The following WWOX variants were observed in gnomAD, a reference collection of about 807,000 sequenced individuals.
WWOX encodes WW domain containing oxidoreductase.
In WWOX, 69 loss-of-function variants were observed where a neutral mutation model predicts 46.2. That is an observed-to-expected ratio of 1.49 (90% confidence interval 1.23 to 1.82). The LOEUF (loss-of-function observed/expected upper bound fraction) is 1.82, where lower values mean the gene tolerates loss of function less well. WWOX is among the 40% of genes most tolerant of loss of function. The probability of loss-of-function intolerance (pLI) is 0.00; values close to 1 mark genes in which losing one functional copy is unlikely to be tolerated. For missense variants in WWOX, 919 were observed against 542.6 expected (o/e 1.69, Z -6.89); for synonymous variants, 359 against 202.6 (o/e 1.77, Z -6.56).
chr16:79,173,542 C>T (rs1026566038), intron 8 of WWOX, among the ~76,000 whole-genome samples: 30 of 151,840 alleles, frequency 2.0e-4, no homozygotes, highest in African/African-American at 6.5e-4. Context: ...AAGTCTTCAG[C>T]CACACAAAAA....
chr16:78,273,249 C>A (rs2079514578), intron 5 of WWOX, among the ~76,000 whole-genome samples: 1 of 152,208 alleles, frequency 6.6e-6, no homozygotes, highest in Non-Finnish European at 1.5e-5. Flanking sequence ...CTAGCCTCCA[C>A]CTGTACCCTG....
intron 8 of WWOX, among the ~76,000 whole-genome samples, chr16:78,690,969 C>T (rs1043765252): frequency 2.6e-5 from 4 of 152,150 alleles, no homozygotes; most frequent in African/African-American, 4.8e-5. Context: ...AACCAGGCCT[C>T]AATCTATATG....
At chr16:78,996,391 C>G (rs1334448326) in intron 8 of WWOX, 2 of 863,732 alleles carry the variant, frequency 2.3e-6, no homozygotes, top group African/African-American at 2.1e-5. Flanking sequence ...CGCCCCCCAG[C>G]TTCCCCACCT....
intron 8 of WWOX, among the ~76,000 whole-genome samples, chr16:79,105,202 A>G (rs1405009615): frequency 6.6e-6 from 1 of 152,196 alleles, no homozygotes; most frequent in East Asian, 1.9e-4. Context: ...GACAGTGACA[A>G]AAGGGTCCTC....
At chr16:78,799,069 C>CGATAAAGTGTATAAAA (rs2142642507) in intron 8 of WWOX, among the ~76,000 whole-genome samples, 1 of 152,314 alleles carries the variant, frequency 6.6e-6, no homozygotes, top group East Asian at 1.9e-4. Flanking sequence ...CCTTGTCAAT[C>CGATAAAGTGTATAAAA]CATTTTGTCA....
At chr16:78,957,578 G>C (rs1046906126) in intron 8 of WWOX, among the ~76,000 whole-genome samples, 1 of 152,096 alleles carries the variant, frequency 6.6e-6, no homozygotes, top group Non-Finnish European at 1.5e-5. Context: ...TGAAATACCC[G>C]TGATTCATAA....
At chr16:79,064,044 G>C (rs113429233) in intron 8 of WWOX, among the ~76,000 whole-genome samples, 3 of 152,192 alleles carry the variant, frequency 2.0e-5, no homozygotes, top group Non-Finnish European at 4.4e-5. Flanking sequence ...AGCCTCAGAA[G>C]TGTGCACAAT....
chr16:78,468,525 C>T lies in WWOX; in HGVS notation c.1056+35773C>T, dbSNP rs577066577. On this transcript the variant is annotated intron_variant, in intron 8 of 8. Transcript: ENST00000566780. ...GAAGGGTCATCTCATGGTCCATTGT[C>T]GGCCCTCTTAGAAGAGATTTCAGGC... Among the ~76,000 whole-genome samples the T allele has an allele frequency of 4.6e-5, 7 of 152,246 alleles. No homozygotes were observed. The East Asian group carries it at 5.8e-4, about 13-fold the overall frequency.
At chr16:78,562,417 C>T (rs1413187188) in intron 8 of WWOX, among the ~76,000 whole-genome samples, 7 of 152,216 alleles carry the variant, frequency 4.6e-5, no homozygotes, top group Admixed American at 3.3e-4. Context: ...AGGAATGTAT[C>T]TGTTCCCACA....
intron 8 of WWOX, among the ~76,000 whole-genome samples, chr16:79,149,989 G>C (rs2050247545): frequency 6.6e-6 from 1 of 152,140 alleles, no homozygotes; most frequent in Non-Finnish European, 1.5e-5. Context: ...GCACAAAAGA[G>C]CCCATTTATG....
intron 8 of WWOX, among the ~76,000 whole-genome samples, chr16:78,973,507 G>C (rs2046512325): frequency 6.6e-6 from 1 of 152,186 alleles, no homozygotes; most frequent in South Asian, 2.1e-4. Flanking sequence ...CAACATGTCT[G>C]ATGAATACGA....
intron 5 of WWOX, among the ~76,000 whole-genome samples, chr16:78,307,849 T>G (rs2080162496): frequency 6.6e-6 from 1 of 152,170 alleles, no homozygotes; most frequent in Admixed American, 6.5e-5. Context: ...AGATATTTAC[T>G]AGATGTCTAG....
chr16:78,197,366 C>G (rs531091085), intron 5 of WWOX, among the ~76,000 whole-genome samples: 8 of 152,274 alleles, frequency 5.3e-5, no homozygotes, highest in Admixed American at 3.9e-4. Context: ...AGTTGCCTCC[C>G]ACCACACCAC....
At chr16:78,370,401 A>G (rs1347132927) in intron 5 of WWOX, among the ~76,000 whole-genome samples, 1 of 152,176 alleles carries the variant, frequency 6.6e-6, no homozygotes, top group Non-Finnish European at 1.5e-5. Context: ...AATATTATTC[A>G]TTGGATAAAT....
intron 8 of WWOX, among the ~76,000 whole-genome samples, chr16:78,674,294 T>TTC (rs1555513788): frequency 9.9e-5 from 15 of 151,156 alleles, no homozygotes; most frequent in Non-Finnish European, 2.1e-4. Flanking sequence ...TTTTTTTTTT[T>TTC]CTTTTTTCGA....
At chr16:78,162,247 AT>A (rs921818498) in intron 4 of WWOX, among the ~76,000 whole-genome samples, 3 of 151,930 alleles carry the variant, frequency 2.0e-5, no homozygotes, top group African/African-American at 7.3e-5. Flanking sequence ...TGAAAGTTTT[AT>A]TTTTTTTCAG....
chr16:78,542,225 G>A (rs1055926266), intron 8 of WWOX, among the ~76,000 whole-genome samples: 2 of 151,914 alleles, frequency 1.3e-5, no homozygotes, highest in African/African-American at 2.4e-5. Context: ...AACACTGCCG[G>A]ATGGATGAAC....
chr16:79,003,232 A>C (rs538706975), intron 8 of WWOX, among the ~76,000 whole-genome samples: 4 of 152,244 alleles, frequency 2.6e-5, no homozygotes, highest in Admixed American at 1.3e-4. Flanking sequence ...CTTGTAATTT[A>C]TGATTTAATG....
At chr16:78,710,455 A>G (rs1293106735) in intron 8 of WWOX, among the ~76,000 whole-genome samples, 2 of 69,418 alleles carry the variant, frequency 2.9e-5, no homozygotes. Context: ...TGTTGATGCA[A>G]TTAAAGCTAA....
Sources: allele counts gnomAD v4.1 joint callset (sites outside exome capture counted in the v4.1 genomes callset), GRCh38; gene constraint gnomAD v4.1.1; transcripts MANE v1.5; gene names NCBI Gene and HGNC (gene_info 2026-07-23, HGNC 2026-07-21).